PACRG: variants seen among roughly 807,000 people sequenced by gnomAD.
PACRG encodes the protein parkin coregulated.
PACRG carries 29 observed loss-of-function variants against 29.7 expected under a neutral mutation model. The observed-to-expected ratio is 0.98, with a 90% CI of 0.73 to 1.33. The LOEUF (loss-of-function observed/expected upper bound fraction) is 1.33. Among genes scored for constraint, PACRG ranks in the 40% most tolerant of loss-of-function variants. PACRG has a pLI of 0.00. For synonymous variants in PACRG, 116 were observed against 118.7 expected (o/e 0.98, Z 0.15); for missense variants, 279 against 316.2 (o/e 0.88, Z 0.89).
intron 2 of PACRG, among the ~76,000 whole-genome samples, chr6:162,940,797 C>T (rs1051000239): frequency 6.6e-5 from 10 of 152,088 alleles, no homozygotes; most frequent in Non-Finnish European, 1.0e-4. Flanking sequence ...ATGACAACAA[C>T]AGTTTTTTGT....
rs554470414 is a variant in PACRG, at chr6:162,937,797, CA to C, written c.291+123520del. The stretch of plus-strand genomic sequence containing the variant: ...ACATATTCTGTTGTCTCGGTTGGAC[CA>C]AAACTTCAAATCTAGGAAGTGAAAA... On this transcript the variant is annotated intron_variant, in intron 2 of 4. Transcript: ENST00000366888. 3.6e-4 allele frequency among the ~76,000 whole-genome samples: 55 copies of C among 151,602 alleles called. 2 individuals carry two copies. In the East Asian group the frequency reaches 8.3e-3, roughly 23 times the overall value.
intron 4 of PACRG, among the ~76,000 whole-genome samples, chr6:163,220,160 G>A (rs1781522641): frequency 6.6e-6 from 1 of 152,110 alleles, no homozygotes; most frequent in African/African-American, 2.4e-5. Flanking sequence ...CCCAATACAT[G>A]CAGAGTGACT....
At chr6:162,746,625 T>C (rs1290694139) in intron 1 of PACRG, among the ~76,000 whole-genome samples, 1 of 152,236 alleles carries the variant, frequency 6.6e-6, no homozygotes, top group Non-Finnish European at 1.5e-5. Context: ...TCATCAAATA[T>C]AACTTTTACA....
intron 4 of PACRG, among the ~76,000 whole-genome samples, chr6:163,106,707 G>A (rs144281557): frequency 6.6e-6 from 1 of 152,308 alleles, no homozygotes; most frequent in Non-Finnish European, 1.5e-5. Context: ...AGTACCACTT[G>A]TACATGATGA....
chr6:163,175,984 T>C (rs1779339096), intron 4 of PACRG, among the ~76,000 whole-genome samples: 1 of 152,004 alleles, frequency 6.6e-6, no homozygotes, highest in Non-Finnish European at 1.5e-5. Context: ...AGGTAATGAG[T>C]CTATTCTGTT....
chr6:163,100,361 C>T (rs1398445747), intron 4 of PACRG, among the ~76,000 whole-genome samples: 2 of 152,210 alleles, frequency 1.3e-5, no homozygotes, highest in Non-Finnish European at 2.9e-5. Flanking sequence ...CGGACTCCAG[C>T]CCTGCTGCCT....
intron 1 of PACRG, among the ~76,000 whole-genome samples, chr6:162,797,975 T>C (rs1055658652): frequency 6.6e-6 from 1 of 152,244 alleles, no homozygotes; most frequent in African/African-American, 2.4e-5. Context: ...TAAAAATTCC[T>C]GGCAAGCTAT....
intron 4 of PACRG, among the ~76,000 whole-genome samples, chr6:163,213,510 T>C (rs754485567): frequency 1.3e-5 from 2 of 152,234 alleles, no homozygotes; most frequent in Admixed American, 1.3e-4. Flanking sequence ...GTTACGATTA[T>C]GTAGGAGAAT....
At chr6:162,752,767 C>A (rs1781607781) in intron 1 of PACRG, among the ~76,000 whole-genome samples, 5 of 152,114 alleles carry the variant, frequency 3.3e-5, no homozygotes, top group Admixed American at 3.3e-4. Context: ...AACAAATCTG[C>A]TTTAGCAGAA....
At chr6:163,104,058 T>C (rs1179477013) in intron 4 of PACRG, among the ~76,000 whole-genome samples, 1 of 152,218 alleles carries the variant, frequency 6.6e-6, no homozygotes, top group Non-Finnish European at 1.5e-5. Flanking sequence ...TAAATGGAAG[T>C]TTCATTGATC....
At chr6:162,734,982 A>G (rs951733181) in intron 1 of PACRG, among the ~76,000 whole-genome samples, 8 of 152,222 alleles carry the variant, frequency 5.3e-5, no homozygotes, top group Non-Finnish European at 8.8e-5. Context: ...ACATGGAATC[A>G]TAAAGTATGT....
chr6:163,255,433 G>A (rs1338069893), intron 4 of PACRG, among the ~76,000 whole-genome samples: 1 of 152,090 alleles, frequency 6.6e-6, no homozygotes, highest in Non-Finnish European at 1.5e-5. Context: ...AGAGGCAACT[G>A]GACACCATCC....
At chr6:163,149,712 C>G (rs1042287332) in intron 4 of PACRG, among the ~76,000 whole-genome samples, 2 of 152,128 alleles carry the variant, frequency 1.3e-5, no homozygotes, top group African/African-American at 4.8e-5. Flanking sequence ...AACCCAACAC[C>G]TGTGAGCTCC....
chr6:162,739,841 TAAA>T lies in PACRG; in HGVS notation c.156+11471_156+11473del, dbSNP rs34535656. On this transcript the variant is annotated intron_variant, in intron 1 of 4. Transcript: ENST00000366888. ...TGGCAACAGAGTGAGGCTCCATCTT[TAAA>T]AAAAAAAAAAAAAAAAAAAATTGCC... Among the ~76,000 whole-genome samples, 1,194 of 130,118 alleles carry T rather than the reference TAAA, an allele frequency of 9.2e-3. 17 individuals carry two copies. The highest frequency in any genetic ancestry group is 0.03 in the African/African-American group (1,033 of 34,908). The allele number at this position is 130,118 out of a possible 152,430, so 85.4% of individuals were successfully genotyped here.
chr6:162,919,498 T>C (rs78209400), intron 2 of PACRG, among the ~76,000 whole-genome samples: 1 of 152,194 alleles, frequency 6.6e-6, no homozygotes, highest in African/African-American at 2.4e-5. Flanking sequence ...TAGATCTAGT[T>C]ATAGAAACTA....
chr6:163,086,816 A>G (rs1488974052), intron 3 of PACRG, among the ~76,000 whole-genome samples: 3 of 152,156 alleles, frequency 2.0e-5, no homozygotes, highest in Admixed American at 1.3e-4. Context: ...CCTCAGTTAT[A>G]AGTCTTGGAA....
intron 4 of PACRG, chr6:163,101,293 C>G (rs958428474): frequency 6.1e-5 from 60 of 982,752 alleles, no homozygotes; most frequent in Non-Finnish European, 6.6e-5. Flanking sequence ...GGATTATTGC[C>G]TGGTAATTTT....
At chr6:162,813,928 T>C (rs140653565) in intron 1 of PACRG, among the ~76,000 whole-genome samples, 1 of 152,306 alleles carries the variant, frequency 6.6e-6, no homozygotes, top group African/African-American at 2.4e-5. Context: ...CTTTCTAAAG[T>C]AGCTTGAAAT....
At chr6:163,267,492 A>G (rs767165951) in intron 4 of PACRG, among the ~76,000 whole-genome samples, 35 of 152,240 alleles carry the variant, frequency 2.3e-4, no homozygotes, top group Non-Finnish European at 3.7e-4. Flanking sequence ...CAATTCTACA[A>G]AAAGCTACAT....
Sources: gnomAD v4.1 joint callset for allele counts (sites outside exome capture counted in the v4.1 genomes callset) on GRCh38, gnomAD v4.1.1 for gene constraint, MANE v1.5 for transcripts, NCBI Gene and HGNC (gene_info 2026-07-23, HGNC 2026-07-21) for gene names.